CELSR1: variants seen among roughly 807,000 people sequenced by gnomAD.
CELSR1 encodes the protein cadherin EGF LAG seven-pass G-type receptor 1.
In CELSR1, 110 loss-of-function variants were observed where a neutral mutation model predicts 249.1. The observed-to-expected ratio is 0.44, with a 90% CI of 0.38 to 0.52. CELSR1 has a LOEUF of 0.52. Among genes scored for constraint, CELSR1 ranks in the 20% least tolerant of loss-of-function variants. CELSR1 has a pLI of 0.00. For missense variants in CELSR1, 4,109 were observed against 4,296.4 expected (o/e 0.96, Z 1.22); for synonymous variants, 2,113 against 1,900.0 (o/e 1.11, Z -2.92).
rs1395281873 is a variant in CELSR1, at chr22:46,436,381, C to T, written c.4407-92G>A. ...ACAAGTCCAGCCGGAGGAGGGCAAG[C>T]ACGTGGGGCTACGATTCAGGAAAGA... On this transcript the variant is annotated intron_variant, in intron 3 of 34. Coordinates refer to ENST00000674500, the MANE Select transcript of CELSR1 (RefSeq NM_001378328.1). The surrounding 1 kb of genome is among the most constrained non-coding windows in gnomAD (Gnocchi z 5.9). 3.6e-6 allele frequency: 3 copies of T among 822,486 alleles called. No homozygotes were observed. Among genetic ancestry groups the T allele is most frequent in the Non-Finnish European group, 6.1e-6 (3 of 492,516 alleles). The allele number at this position is 822,486 out of a possible 1,614,324, so 50.9% of individuals were successfully genotyped here. A position where few individuals can be genotyped will look rare whatever the true frequency, so the allele number is the denominator to read the frequency against.
At chr22:46,493,635 G>A (rs185835273) in intron 1 of CELSR1, among the ~76,000 whole-genome samples, 55 of 152,152 alleles carry the variant, frequency 3.6e-4, no homozygotes, top group Admixed American at 1.3e-3. Context: ...TAGCTCCCAC[G>A]ATTCCCACGT....
chr22:46,459,031 T>C lies in CELSR1; in HGVS notation c.4183+4676A>G, dbSNP rs2079989348. The stretch of plus-strand genomic sequence containing the variant: ...CTTCAGCCTCCCAAGTAGCTGGGAC[T>C]ACAGGCGTGTGCCACCACACCTGGT... On this transcript the variant is annotated intron_variant, in intron 2 of 34. Coordinates refer to ENST00000674500, the MANE Select transcript of CELSR1 (RefSeq NM_001378328.1). 2.0e-5 allele frequency among the ~76,000 whole-genome samples: 3 copies of C among 151,830 alleles called. No homozygotes were observed. The South Asian group carries it at 6.2e-4, about 32-fold the overall frequency.
Position 46,399,846 on chromosome 22 carries a change from G to T in CELSR1, c.5283C>A (p.Ser1761=). Residue 1761 remains serine, a synonymous_variant, in exon 10 of 35, where the codon TCC becomes TCA. Coordinates refer to ENST00000674500, the MANE Select transcript of CELSR1 (RefSeq NM_001378328.1). This position sits in a 1 kb window ranked among gnomAD's most constrained non-coding sequence, Gnocchi z 5.0. ...TCACCCGCAACCCGGACAGCATCACGGACTCCACATCGGAGGGGCCGTGGG... is the reference window on the plus strand; with the variant it reads ...TCACCCGCAACCCGGACAGCATCACTGACTCCACATCGGAGGGGCCGTGGG... ...EVSHGPSDVE[S]VMLSGLRVTD... The T allele has an allele frequency of 6.2e-7, 1 of 1,614,138 alleles. No individual in the cohort carries two copies. Among genetic ancestry groups the T allele is most frequent in the Non-Finnish European group, 8.5e-7 (1 of 1,179,994 alleles).
intron 1 of CELSR1, among the ~76,000 whole-genome samples, chr22:46,492,195 C>T (rs1384526884): frequency 6.6e-6 from 1 of 152,198 alleles, no homozygotes; most frequent in Admixed American, 6.5e-5. Flanking sequence ...ATGAAGCCGG[C>T]CAACATGCCA....
Position 46,534,072 on chromosome 22 carries a change from C to A in CELSR1, c.3099G>T (p.Gln1033His), listed in dbSNP as rs999716874. ...ANDPDEGPNA[Q>H]IMYQIVEGDM... Reference sequence around the variant, plus strand: ...CCCCTTCCACAATCTGATACATGATCTGGGCATTAGGGCCTTCATCAGGGT... The same window carrying A: ...CCCCTTCCACAATCTGATACATGATATGGGCATTAGGGCCTTCATCAGGGT... The change falls in exon 1 of 35, where the codon CAG becomes CAT. Residue 1033 changes from glutamine (Q) to histidine (H), a missense_variant. Gln to His is a conservative substitution (Grantham distance 24). Around this residue, in one of 7 missense-constraint regions of CELSR1, gnomAD observed 886 missense variants for 896.5 expected, o/e 0.99. Transcript: ENST00000674500. This position sits in a 1 kb window ranked among gnomAD's most constrained non-coding sequence, Gnocchi z 9.7. 1 of 1,613,758 alleles carries A rather than the reference C, an allele frequency of 6.2e-7. No individual in the cohort carries two copies. The highest frequency in any genetic ancestry group is 8.5e-7 in the Non-Finnish European group (1 of 1,180,034).
Position 46,537,092 on chromosome 22 carries a change from GCAGCCC to G in CELSR1, c.73_78del (p.Gly25_Leu26del). 9.6e-7 allele frequency: 1 copy of G among 1,043,764 alleles called. No individual in the cohort carries two copies. Among genetic ancestry groups the G allele is most frequent in the African/African-American group, 1.7e-5 (1 of 58,278 alleles). The allele number at this position is 1,043,764 out of a possible 1,614,324, so 64.7% of individuals were successfully genotyped here. ...ACGCGCGGCTCCCAGGCGGCCGCTC[GCAGCCC>G]CATCGCCGGCAGGGCGGCGGCGGCG... On this transcript the variant is annotated inframe_deletion, in exon 1 of 35. Transcript: ENST00000674500. The surrounding 1 kb of genome is among the most constrained non-coding windows in gnomAD (Gnocchi z 5.8).
chr22:46,511,834 C>G (rs2080577068), intron 1 of CELSR1, among the ~76,000 whole-genome samples: 1 of 152,170 alleles, frequency 6.6e-6, no homozygotes, highest in African/African-American at 2.4e-5. Context: ...ACTTTTCCCA[C>G]TGACGGGGGC....
rs1400542606 is a variant in CELSR1 at position 46,384,619 on chromosome 22, G to A, written c.6807C>T (p.Ile2269=). Residue 2269 remains isoleucine (I), a synonymous_variant, in exon 20 of 35, where the codon ATC becomes ATT. Coordinates refer to ENST00000674500, the MANE Select transcript of CELSR1 (RefSeq NM_001378328.1). ...CCAGCTCCCTGGGGAACTCTTCATG[G>A]ATGGTGTCGAATCGCGGGACCCTGG... ...TGARVPRFDT[I]HEEFPRELES... 1.2e-6 allele frequency: 2 copies of A among 1,613,858 alleles called. No individual in the cohort carries two copies. Among genetic ancestry groups the A allele is most frequent in the South Asian group, 2.2e-5 (2 of 90,970 alleles).
At position 46,535,946 on chromosome 22, in the gene CELSR1, C is replaced by T; in HGVS notation, c.1225G>A (p.Val409Met). ...CGGTCCAGCACCGCCCGTGTGCTCA[C>T]CACGCCAGAGCTCTCGTTGAGCTGG... ...VFQLNESSGV[V>M]STRAVLDREE... The change falls in exon 1 of 35, where the codon GTG (valine) becomes ATG (methionine). Residue 409 changes from valine to methionine, a missense_variant. Val to Met is a conservative substitution (Grantham distance 21, BLOSUM62 1). This residue lies in a region of CELSR1 where 673 missense variants were observed against 636.8 expected (regional missense o/e 1.06). Transcript: ENST00000674500. 6.2e-7 allele frequency: 1 copy of T among 1,610,020 alleles called. No homozygotes were observed. The highest frequency in any genetic ancestry group is 8.5e-7 in the Non-Finnish European group (1 of 1,179,868).
chr22:46,492,435 C>T (rs114448067), intron 1 of CELSR1, among the ~76,000 whole-genome samples: 2,165 of 152,294 alleles, frequency 0.014, 68 homozygotes, highest in African/African-American at 0.05. Flanking sequence ...ACAGAAATTA[C>T]CTCTTTTTTC....
At chr22:46,421,220 C>T (rs1297359716) in intron 5 of CELSR1, among the ~76,000 whole-genome samples, 4 of 146,690 alleles carry the variant, frequency 2.7e-5, no homozygotes, top group African/African-American at 4.9e-5. Flanking sequence ...GGGGTAGAGG[C>T]GGGAAAGGCC....
In CELSR1 at chr22:46,399,168, G is replaced by T. The variant is rs2079183967; in HGVS notation, c.5413-531C>A. ...CCCTTAAGTGTGTGGGCATTTCACA[G>T]ACAACATCTTGGGTTACCTGCCTGC... is the stretch of plus-strand genomic sequence containing the variant. On this transcript the variant is annotated intron_variant, in intron 10 of 34. Transcript: ENST00000674500. This position sits in a 1 kb window ranked among gnomAD's most constrained non-coding sequence, Gnocchi z 5.0. Among the ~76,000 whole-genome samples the T allele has an allele frequency of 6.6e-6, 1 of 152,192 alleles. No individual in the cohort carries two copies. Among genetic ancestry groups the T allele is most frequent in the Non-Finnish European group, 1.5e-5 (1 of 68,034 alleles).
rs141720550 is a variant in CELSR1 at position 46,468,308 on chromosome 22, C to T, written c.3545-3963G>A. Among the ~76,000 whole-genome samples the T allele has an allele frequency of 0.024, 3,667 of 151,318 alleles. 124 individuals are homozygous for T. Among genetic ancestry groups the T allele is most frequent in the African/African-American group, 0.083 (3,430 of 41,212 alleles). ...GGCTGAGGCAGGAGAATCGCTTGAA[C>T]CCAAGAGGTGGAGGTTGTGGTGAGC... On this transcript the variant is annotated intron_variant, in intron 1 of 34. Coordinates refer to ENST00000674500, the MANE Select transcript of CELSR1 (RefSeq NM_001378328.1). The surrounding 1 kb of genome is among the most constrained non-coding windows in gnomAD (Gnocchi z 4.5).
At position 46,437,775 on chromosome 22, in the gene CELSR1, G is replaced by C. The variant is rs2079681751; in HGVS notation, c.4406+1414C>G. On this transcript the variant is annotated intron_variant, in intron 3 of 34. Coordinates refer to ENST00000674500, the MANE Select transcript of CELSR1 (RefSeq NM_001378328.1). This position sits in a 1 kb window ranked among gnomAD's most constrained non-coding sequence, Gnocchi z 4.9. Reference sequence around the variant, plus strand: ...CTCAAAAAAAAAAAAAAAACTGATGGTTCCCAACTGTCGCCCAAACCCCCT... The same window carrying C: ...CTCAAAAAAAAAAAAAAAACTGATGCTTCCCAACTGTCGCCCAAACCCCCT... Among the ~76,000 whole-genome samples, 1 of 151,604 alleles carries C rather than the reference G, an allele frequency of 6.6e-6. No individual in the cohort carries two copies. The highest frequency in any genetic ancestry group is 1.5e-5 in the Non-Finnish European group (1 of 67,978).
In CELSR1 at chr22:46,361,386, C is replaced by T. The variant is rs1158507760; in HGVS notation, c.*1837G>A. On this transcript the variant is annotated 3_prime_UTR_variant, in exon 35 of 35. Coordinates refer to ENST00000674500, the MANE Select transcript of CELSR1 (RefSeq NM_001378328.1). ...GTTCTGATCAAATTAAAAATTACAC[C>T]TCGTGATGTTGGCTGTGGAGTACGT... 3 of 152,290 alleles carry T rather than the reference C, an allele frequency of 2.0e-5. No homozygotes were observed. The highest frequency in any genetic ancestry group is 1.3e-4 in the Admixed American group (2 of 15,268). 9.4% of individuals were successfully genotyped at this position (152,290 alleles called of 1,614,324 possible).
rs1569226232 is a variant in CELSR1, at chr22:46,535,223, C to T, written c.1948G>A (p.Val650Met). The change falls in exon 1 of 35, where the codon GTG (valine) becomes ATG (methionine). Residue 650 changes from valine (V) to methionine (M), a missense_variant. Physicochemically the swap from Val to Met is conservative, Grantham distance 21. Coordinates refer to ENST00000674500, the MANE Select transcript of CELSR1 (RefSeq NM_001378328.1). ...TCCACCCCGAAGCTGTAGTGCTCCA[C>T]CTCCTCGCGGTCCAGCTCGGCACAC... ...TVCAELDREEVEHYSFGVEAV... is the reference protein window; with the variant it reads ...TVCAELDREEMEHYSFGVEAV... 3.7e-6 allele frequency: 6 copies of T among 1,609,808 alleles called. No homozygotes were observed. The highest frequency in any genetic ancestry group is 2.2e-5 in the East Asian group (1 of 44,868).
chr22:46,487,994 G>A (rs1409048581), intron 1 of CELSR1, among the ~76,000 whole-genome samples: 3 of 141,434 alleles, frequency 2.1e-5, no homozygotes, highest in Admixed American at 7.0e-5. Context: ...GGGTGTAGGG[G>A]AGGGGTGTCC....
intron 9 of CELSR1, among the ~76,000 whole-genome samples, chr22:46,403,794 G>T (rs1045746814): frequency 2.0e-5 from 3 of 151,764 alleles, no homozygotes; most frequent in Non-Finnish European, 4.4e-5. Flanking sequence ...CCTACATGGT[G>T]AAACCCCGTC....
chr22:46,457,675 G>C (rs1042593102), intron 2 of CELSR1, among the ~76,000 whole-genome samples: 1 of 152,388 alleles, frequency 6.6e-6, no homozygotes, highest in African/African-American at 2.4e-5. Context: ...GGAATGCCCA[G>C]AGGCCTGGAG....
Sources: allele counts gnomAD v4.1 joint callset (sites outside exome capture counted in the v4.1 genomes callset), GRCh38; gene constraint gnomAD v4.1.1; regional missense constraint gnomAD v4.1.1; non-coding constraint Gnocchi (gnomAD v3.1); transcripts MANE v1.5; gene names NCBI Gene and HGNC (gene_info 2026-07-23, HGNC 2026-07-21).